Variants in PBX3 observed in about 807,000 individuals in gnomAD.
The protein encoded by PBX3 is pre-B-cell leukemia transcription factor 3.
In PBX3, 14 loss-of-function variants were observed where a neutral mutation model predicts 48.5. That is an observed-to-expected ratio of 0.29 (90% CI 0.19 to 0.45). The LOEUF is 0.45. Among genes scored for constraint, PBX3 ranks in the 20% least tolerant of loss-of-function variants. The probability of loss-of-function intolerance (pLI) is 1.00; values close to 1 mark genes in which losing one functional copy is unlikely to be tolerated. For missense variants in PBX3, 386 were observed against 546.7 expected, an observed-to-expected ratio of 0.71 and a Z score of 2.93; for synonymous variants, 210 against 200.3, an observed-to-expected ratio of 1.05 and a Z score of -0.41.
intron 2 of PBX3, among the ~76,000 whole-genome samples, chr9:125,753,241 T>G (rs1346903952): frequency 6.6e-6 from 1 of 151,986 alleles, no homozygotes; most frequent in Non-Finnish European, 1.5e-5. Context: ...ATGTTATAAA[T>G]TATATTGCTT....
In PBX3 at chr9:125,747,759, G is replaced by A. The variant is rs576087428; in HGVS notation, c.200+106G>A. ...CGGGGCTAGGGCCGCAGCCCCCGGC[G>A]GGGAACTTTCTCCGAAAGCCGGCCG... On this transcript the variant is annotated intron_variant, in intron 1 of 8. Transcript: ENST00000373489. 286 of 844,544 alleles carry A rather than the reference G, an allele frequency of 3.4e-4. 1 individual carries two copies. In the African/African-American group the frequency reaches 4.4e-3, roughly 13 times the overall value. The allele number at this position is 844,544 out of a possible 1,614,324, so 52.3% of individuals were successfully genotyped here.
In PBX3 at chr9:125,768,802, T is replaced by G. The variant is rs1056457631; in HGVS notation, c.274+20179T>G. 3.9e-5 allele frequency among the ~76,000 whole-genome samples: 6 copies of G among 152,344 alleles called. No individual in the cohort carries two copies. In the East Asian group the frequency reaches 9.6e-4, roughly 24 times the overall value. ...TTTTTTAAGTGCTGGGAAGATTTCATACTCACAGTGGAGGACACAGTGTTT... is the reference window on the plus strand; with the variant it reads ...TTTTTTAAGTGCTGGGAAGATTTCAGACTCACAGTGGAGGACACAGTGTTT... On this transcript the variant is annotated intron_variant, in intron 2 of 8. Transcript: ENST00000373489.
At chr9:125,863,677 G>A (rs968068939) in intron 2 of PBX3, among the ~76,000 whole-genome samples, 4 of 152,182 alleles carry the variant, frequency 2.6e-5, no homozygotes, top group Non-Finnish European at 5.9e-5. Context: ...GGGAAGATTA[G>A]ATGAAGTGAT....
intron 2 of PBX3, among the ~76,000 whole-genome samples, chr9:125,808,243 C>T (rs895634075): frequency 1.2e-4 from 19 of 152,004 alleles, no homozygotes; most frequent in African/African-American, 3.9e-4. Context: ...TAAAATAGGA[C>T]GTATAGTGTG....
intron 2 of PBX3, among the ~76,000 whole-genome samples, chr9:125,805,493 G>A (rs2132109742): frequency 6.6e-6 from 1 of 152,212 alleles, no homozygotes; most frequent in East Asian, 1.9e-4. Flanking sequence ...ATTTTAGGAG[G>A]CCAAAAAATG....
intron 5 of PBX3, among the ~76,000 whole-genome samples, chr9:125,955,376 TC>T (rs1842283381): frequency 6.6e-6 from 1 of 152,132 alleles, no homozygotes; most frequent in Admixed American, 6.6e-5. Flanking sequence ...GCCCGCTCCT[TC>T]CCCAACAGAA....
intron 2 of PBX3, among the ~76,000 whole-genome samples, chr9:125,777,010 C>T (rs987385720): frequency 3.2e-5 from 3 of 94,298 alleles, no homozygotes; most frequent in East Asian, 3.0e-4. Flanking sequence ...TTTTTCTTTT[C>T]TTTTCTTTTT....
intron 2 of PBX3, among the ~76,000 whole-genome samples, chr9:125,871,327 G>A (rs1290345861): frequency 6.7e-6 from 1 of 150,160 alleles, no homozygotes; most frequent in Non-Finnish European, 1.5e-5. Context: ...GGGAGGTGGA[G>A]CTGAAATTGC....
intron 3 of PBX3, among the ~76,000 whole-genome samples, chr9:125,927,280 A>G (rs551115839): frequency 6.6e-6 from 1 of 152,360 alleles, no homozygotes; most frequent in South Asian, 2.1e-4. Flanking sequence ...TAAGTATAAT[A>G]TAGTGTCACC....
rs1040572113 is a variant in PBX3, at chr9:125,906,861, G to A, written c.275-8825G>A. 3.3e-5 allele frequency among the ~76,000 whole-genome samples: 5 copies of A among 151,928 alleles called. No homozygotes were observed. The East Asian group carries it at 9.7e-4, about 29-fold the overall frequency. On this transcript the variant is annotated intron_variant, in intron 2 of 8. Coordinates refer to ENST00000373489, the MANE Select transcript of PBX3 (RefSeq NM_006195.6). Reference sequence around the variant, plus strand: ...CTAATTGAGAGGATGCATAGCTTTGGTGAAAATTTAACCAATTTTAACCAG... The same window carrying A: ...CTAATTGAGAGGATGCATAGCTTTGATGAAAATTTAACCAATTTTAACCAG...
chr9:125,775,584 T>C (rs955786712), intron 2 of PBX3, among the ~76,000 whole-genome samples: 1 of 152,248 alleles, frequency 6.6e-6, no homozygotes, highest in Non-Finnish European at 1.5e-5. Context: ...GGATTCGTAG[T>C]TCTATTTCAT....
intron 5 of PBX3, among the ~76,000 whole-genome samples, chr9:125,959,843 A>G (rs565813443): frequency 6.6e-6 from 1 of 152,332 alleles, no homozygotes; most frequent in East Asian, 1.9e-4. Context: ...ATAAATTGCC[A>G]TGTGGCTTTT....
intron 2 of PBX3, among the ~76,000 whole-genome samples, chr9:125,804,401 C>T (rs1838057858): frequency 6.6e-6 from 1 of 152,134 alleles, no homozygotes; most frequent in South Asian, 2.1e-4. Flanking sequence ...AGCCCTTGTG[C>T]TGGTCACCTG....
rs2118844860 is a variant in PBX3 at position 125,967,057 on chromosome 9, T to C, written c.*1134T>C. On this transcript the variant is annotated 3_prime_UTR_variant, in exon 9 of 9. Transcript: ENST00000373489. ...CTGTTGTAAATACTGAGAAACATTT[T>C]GAATGTTCTTCATCTTATTACTAAT... 1 of 151,556 alleles carries C rather than the reference T, an allele frequency of 6.6e-6. No individual in the cohort carries two copies. The highest frequency in any genetic ancestry group is 1.9e-4 in the East Asian group (1 of 5,148). The allele number at this position is 151,556 out of a possible 1,614,324, so 9.4% of individuals were successfully genotyped here.
At chr9:125,960,907 T>C (rs1346564926) in intron 6 of PBX3, 58 bp downstream of exon 6, 2 of 1,545,462 alleles carry the variant, frequency 1.3e-6, no homozygotes, top group African/African-American at 2.7e-5. Context: ...CACAATGCCC[T>C]GTCCCACAGG....
Position 125,962,102 on chromosome 9 carries a change from G to A in PBX3, c.1010G>A (p.Gly337Asp). ...QTNSPTTPNSGSSGSFNLPNS... is the reference protein window; with the variant it reads ...QTNSPTTPNSDSSGSFNLPNS... ...AGCTACTTAACTCTTTCCTTTCCAG[G>A]TTCTTCTGGTTCTTTTAACCTCCCA... Residue 337 changes from glycine (G) to aspartate (D), a missense_variant and splice_region_variant, in exon 7 of 9, where the codon GGT (glycine) becomes GAT (aspartate). Gly to Asp is a moderately conservative substitution (Grantham distance 94). Around this residue, in one of 4 missense-constraint regions of PBX3, gnomAD observed 127 missense variants for 143.3 expected, o/e 0.89. Coordinates refer to ENST00000373489, the MANE Select transcript of PBX3 (RefSeq NM_006195.6). The A allele has an allele frequency of 6.5e-7, 1 of 1,528,510 alleles. No individual in the cohort carries two copies. The highest frequency in any genetic ancestry group is 1.1e-5 in the South Asian group (1 of 89,220). The allele number at this position is 1,528,510 out of a possible 1,614,324, so 94.7% of individuals were successfully genotyped here.
chr9:125,907,974 AT>A (rs772410748), intron 2 of PBX3, among the ~76,000 whole-genome samples: 1 of 152,120 alleles, frequency 6.6e-6, no homozygotes, highest in Non-Finnish European at 1.5e-5. Context: ...CATGTGAAAG[AT>A]ACAGTTGCTG....
chr9:125,878,820 A>C (rs1840314180), intron 2 of PBX3, among the ~76,000 whole-genome samples: 1 of 152,226 alleles, frequency 6.6e-6, no homozygotes. Context: ...AAAAAGTTGT[A>C]CAAAGTCGTT....
chr9:125,835,745 G>A (rs772034800), intron 2 of PBX3, among the ~76,000 whole-genome samples: 4 of 152,148 alleles, frequency 2.6e-5, no homozygotes, highest in Admixed American at 6.6e-5. Flanking sequence ...ACAGGGGAAC[G>A]TTCATACACT....
Sources: gnomAD v4.1 joint callset for allele counts (sites outside exome capture counted in the v4.1 genomes callset) on GRCh38, gnomAD v4.1.1 for gene constraint, gnomAD v4.1.1 regional missense constraint, MANE v1.5 for transcripts, NCBI Gene and HGNC (gene_info 2026-07-23, HGNC 2026-07-21) for gene names.